The following HECTD4 variants were observed in gnomAD, a reference collection of about 807,000 sequenced individuals.
HECTD4 encodes probable E3 ubiquitin-protein ligase HECTD4.
A neutral mutation model predicts 471.5 loss-of-function variants in HECTD4; 114 were observed. That is an observed-to-expected ratio of 0.24 (90% confidence interval 0.21 to 0.28). The LOEUF (loss-of-function observed/expected upper bound fraction) is 0.28, where lower values mean the gene tolerates loss of function less well. Ranked by LOEUF, HECTD4 falls within the 10% of genes least tolerant of loss-of-function variation. The pLI, the probability that HECTD4 is intolerant of heterozygous loss-of-function variation, is 1.00. For synonymous variants in HECTD4, 2,012 were observed against 2,256.0 expected (o/e 0.89, Z 3.07); for missense variants, 3,866 against 5,651.5 (o/e 0.68, Z 10.13).
intron 1 of HECTD4, among the ~76,000 whole-genome samples, chr12:112,344,064 G>C (rs2036101288): frequency 6.6e-6 from 1 of 152,200 alleles, no homozygotes; most frequent in Non-Finnish European, 1.5e-5. Flanking sequence ...CTATGGCAGG[G>C]AGGAAAATGG....
intron 1 of HECTD4, among the ~76,000 whole-genome samples, chr12:112,327,316 C>T (rs983111281): frequency 2.0e-5 from 3 of 151,004 alleles, no homozygotes; most frequent in South Asian, 2.1e-4. Context: ...AACTCCATCT[C>T]GGGGAGGAGA....
intron 1 of HECTD4, among the ~76,000 whole-genome samples, chr12:112,320,063 G>T (rs2035553242): frequency 6.6e-6 from 1 of 152,110 alleles, no homozygotes; most frequent in African/African-American, 2.4e-5. Context: ...AGCCAGGCGT[G>T]GTGGCTCACG....
At chr12:112,329,367 TTTG>T (rs1264606304) in intron 1 of HECTD4, among the ~76,000 whole-genome samples, 64 of 131,498 alleles carry the variant, frequency 4.9e-4, no homozygotes, top group African/African-American at 1.7e-3. Context: ...TTTTGGGTTT[TTTG>T]TTTTTTTTTT....
In HECTD4 at chr12:112,244,016, A is replaced by G. The variant is rs780999682; in HGVS notation, c.4514-7T>C. 1 of 1,613,284 alleles carries G rather than the reference A, an allele frequency of 6.2e-7. No homozygotes were observed. Among genetic ancestry groups the G allele is most frequent in the South Asian group, 1.1e-5 (1 of 91,048 alleles). On this transcript the variant is annotated splice_polypyrimidine_tract_variant and splice_region_variant and intron_variant, in intron 29 of 75. Coordinates refer to ENST00000682272, the MANE Select transcript of HECTD4 (RefSeq NM_001388303.1). ...TCAGAAGCTGATTTACAAGCTAGAA[A>G]AAAAAGGAATAAAAAGGCTGACATT...
chr12:112,193,168 G>T lies in HECTD4; in HGVS notation c.8979C>A (p.Ser2993=). The T allele has an allele frequency of 6.2e-7, 1 of 1,613,898 alleles. No homozygotes were observed. The highest frequency in any genetic ancestry group is 8.5e-7 in the Non-Finnish European group (1 of 1,179,862). ...FLQTAPEQFP[S]EEFPISESKV... is the part of the protein sequence containing the mutation. ...TGGATTCGGAAATTGGGAACTCTTC[G>T]GAGGGGAACTGCTCTGGTGCTGTCT... is the stretch of plus-strand genomic sequence containing the variant. Residue 2993 remains serine (S), a synonymous_variant, in exon 58 of 76, where the codon TCC becomes TCA. Transcript: ENST00000682272. The surrounding 1 kb of genome is among the most constrained non-coding windows in gnomAD (Gnocchi z 5.2).
intron 1 of HECTD4, among the ~76,000 whole-genome samples, chr12:112,365,051 C>T (rs989496310): frequency 6.6e-6 from 1 of 152,094 alleles, no homozygotes; most frequent in Non-Finnish European, 1.5e-5. Flanking sequence ...TGGATATGAC[C>T]CTGAAAGCCA....
chr12:112,358,163 C>T (rs1308371975), intron 1 of HECTD4, among the ~76,000 whole-genome samples: 2 of 152,000 alleles, frequency 1.3e-5, no homozygotes, highest in Non-Finnish European at 2.9e-5. Context: ...AACATCACGC[C>T]ACTGCACTTC....
Position 112,289,967 on chromosome 12 carries a change from G to A in HECTD4, c.1336-6665C>T, listed in dbSNP as rs956137931. On this transcript the variant is annotated intron_variant, in intron 7 of 75. Transcript: ENST00000682272. ...GCTGGGATTACAGGCATGAGCCACC[G>A]CACTCGGCCTATTCTTTCTTTTTAA... Among the ~76,000 whole-genome samples the A allele has an allele frequency of 5.3e-5, 8 of 150,654 alleles. No homozygotes were observed. In the East Asian group the frequency reaches 8.1e-4, roughly 15 times the overall value.
intron 7 of HECTD4, among the ~76,000 whole-genome samples, chr12:112,289,188 C>A (rs990168437): frequency 1.4e-4 from 22 of 152,116 alleles, no homozygotes; most frequent in African/African-American, 4.3e-4. Context: ...CAGCCTTGAC[C>A]TTCAGGGCTC....
rs1328070163 is a variant in HECTD4 at position 112,163,860 on chromosome 12, T to C, written c.12702-123A>G. 5 of 969,584 alleles carry C rather than the reference T, an allele frequency of 5.2e-6. No homozygotes were observed. In the African/African-American group the frequency reaches 6.7e-5, roughly 13 times the overall value. The allele number at this position is 969,584 out of a possible 1,614,324, so 60.1% of individuals were successfully genotyped here. The stretch of plus-strand genomic sequence containing the variant: ...GGAGAGGCCTGGGGCCCAGCCGCCC[T>C]GGTCATCCCAGTCCTTTCCTGCCTC... On this transcript the variant is annotated intron_variant, in intron 73 of 75. Coordinates refer to ENST00000682272, the MANE Select transcript of HECTD4 (RefSeq NM_001388303.1). The surrounding 1 kb of genome is among the most constrained non-coding windows in gnomAD (Gnocchi z 8.2).
intron 67 of HECTD4, 151 bp downstream of exon 67, chr12:112,172,520 C>T (rs2137009038): frequency 2.6e-6 from 2 of 756,780 alleles, no homozygotes; most frequent in East Asian, 5.4e-5. Flanking sequence ...TTTCGTCAGC[C>T]CACTCTTCCT....
Position 112,250,276 on chromosome 12 carries a change from T to C in HECTD4, c.3818A>G (p.Tyr1273Cys). The C allele has an allele frequency of 1.2e-6, 2 of 1,613,590 alleles. No homozygotes were observed. The highest frequency in any genetic ancestry group is 3.3e-5 in the Admixed American group (2 of 59,982). Residue 1273 changes from tyrosine (Y) to cysteine (C), a missense_variant, in exon 25 of 76, where the codon TAC (tyrosine) becomes TGC (cysteine). Physicochemically the swap from Tyr to Cys is radical, Grantham distance 194. Coordinates refer to ENST00000682272, the MANE Select transcript of HECTD4 (RefSeq NM_001388303.1). ...AGGAGGCACGAGGACATCAGAGGGG[T>C]AGGTGAATTCTCTGTCTTCCTCTAT... ...LTIEEDREFT[Y>C]PSDVLVPPVG...
chr12:112,271,087 AG>A (rs1043070231), intron 11 of HECTD4, among the ~76,000 whole-genome samples: 4 of 152,224 alleles, frequency 2.6e-5, no homozygotes, highest in African/African-American at 4.8e-5. Flanking sequence ...TCAAAAAAAA[AG>A]CTTTATCAAG....
At chr12:112,285,695 C>T (rs1393828227) in intron 7 of HECTD4, among the ~76,000 whole-genome samples, 2 of 152,090 alleles carry the variant, frequency 1.3e-5, no homozygotes, top group Non-Finnish European at 2.9e-5. Context: ...AATCCAACTC[C>T]GCTTCTCTAT....
intron 18 of HECTD4, among the ~76,000 whole-genome samples, chr12:112,259,483 G>C (rs2088454172): frequency 6.8e-6 from 1 of 147,752 alleles, no homozygotes; most frequent in African/African-American, 2.5e-5. Flanking sequence ...TTCACCTTCA[G>C]TCTCTGATTT....
chr12:112,382,233 C>G lies in HECTD4; in HGVS notation c.-105G>C, dbSNP rs1047991038. 413 of 994,050 alleles carry G rather than the reference C, an allele frequency of 4.2e-4. No homozygotes were observed. Among genetic ancestry groups the G allele is most frequent in the Non-Finnish European group, 5.0e-4 (390 of 779,900 alleles). The allele number at this position is 994,050 out of a possible 1,614,324, so 61.6% of individuals were successfully genotyped here. A position where few individuals can be genotyped will look rare whatever the true frequency, so the allele number is the denominator to read the frequency against. ...CCATGGCAGCGGCCGCCGCGCCCGC[C>G]AGCGGCGCCCCACTTGCTGCCTCGC... On this transcript the variant is annotated 5_prime_UTR_variant, in exon 1 of 76. Coordinates refer to ENST00000682272, the MANE Select transcript of HECTD4 (RefSeq NM_001388303.1).
chr12:112,210,935 G>A (rs1220638470), intron 49 of HECTD4, among the ~76,000 whole-genome samples: 1 of 152,238 alleles, frequency 6.6e-6, no homozygotes, highest in Non-Finnish European at 1.5e-5. Context: ...GGAACAGGCT[G>A]AGAAATGCTG....
At chr12:112,176,008 G>T in intron 65 of HECTD4, 149 bp from the exon 66 acceptor site, 1 of 1,112,172 alleles carries the variant, frequency 9.0e-7, no homozygotes, top group Non-Finnish European at 1.3e-6. Flanking sequence ...ATTGTCATTT[G>T]CCATTGTGAC....
intron 7 of HECTD4, among the ~76,000 whole-genome samples, chr12:112,286,316 C>A (rs892755836): frequency 6.6e-6 from 1 of 152,202 alleles, no homozygotes. Flanking sequence ...AGCCTCCCAA[C>A]CTGTCTTCCC....
Sources: allele counts gnomAD v4.1 joint callset (sites outside exome capture counted in the v4.1 genomes callset), GRCh38; gene constraint gnomAD v4.1.1; non-coding constraint Gnocchi (gnomAD v3.1); transcripts MANE v1.5; gene names NCBI Gene and HGNC (gene_info 2026-07-23, HGNC 2026-07-21).